Variants in TSPEAR observed in about 807,000 individuals in gnomAD.
The protein encoded by TSPEAR is thrombospondin-type laminin G domain and EAR repeat-containing protein.
Under a neutral mutation model 71.6 loss-of-function variants are expected in TSPEAR, and 69 were observed. That is an observed-to-expected ratio of 0.96 (90% CI 0.79 to 1.18). TSPEAR has a LOEUF of 1.18. Among genes scored for constraint, TSPEAR ranks in the 50% most tolerant of loss-of-function variants. The pLI, the probability that TSPEAR is intolerant of heterozygous loss-of-function variation, is 0.00. For missense variants in TSPEAR, 971 were observed against 894.9 expected (o/e 1.09, Z -1.09); for synonymous variants, 402 against 387.2 (o/e 1.04, Z -0.45).
At position 44,710,477 on chromosome 21, in the gene TSPEAR, A is replaced by G. The variant is rs919508253; in HGVS notation, c.82+956T>C. Among the ~76,000 whole-genome samples the G allele has an allele frequency of 6.8e-5, 10 of 145,992 alleles. No individual in the cohort carries two copies. Among genetic ancestry groups the G allele is most frequent in the Admixed American group, 1.4e-4 (2 of 14,636 alleles). ...GTTCCATACTCGGGTGATCGTGCTC[A>G]TCCCCTGGTCATGTCATCGGGATCT... On this transcript the variant is annotated intron_variant, in intron 1 of 11. Transcript: ENST00000323084. The surrounding 1 kb of genome is among the most constrained non-coding windows in gnomAD (Gnocchi z 4.6).
intron 1 of TSPEAR, among the ~76,000 whole-genome samples, chr21:44,633,695 G>T (rs1983381433): frequency 6.6e-6 from 1 of 152,040 alleles, no homozygotes; most frequent in South Asian, 2.1e-4. Flanking sequence ...GCTGTTGTTG[G>T]GTTGAATGTT....
chr21:44,514,015 C>T (rs1356036333), intron 9 of TSPEAR, among the ~76,000 whole-genome samples: 2 of 152,200 alleles, frequency 1.3e-5, no homozygotes, highest in South Asian at 2.1e-4. Flanking sequence ...CCCGGCCCTG[C>T]AGAACCCGCA....
intron 1 of TSPEAR, among the ~76,000 whole-genome samples, chr21:44,703,952 G>A (rs2063922824): frequency 6.6e-6 from 1 of 152,194 alleles, no homozygotes; most frequent in Non-Finnish European, 1.5e-5. Flanking sequence ...GGGGTGCACA[G>A]GGCTGCAATC....
chr21:44,531,395 G>A (rs1428853126), intron 3 of TSPEAR, among the ~76,000 whole-genome samples: 1 of 152,124 alleles, frequency 6.6e-6, no homozygotes, highest in Non-Finnish European at 1.5e-5. Flanking sequence ...CGTGCTCCCC[G>A]TGACCTGTGG....
intron 1 of TSPEAR, among the ~76,000 whole-genome samples, chr21:44,616,709 CAA>C (rs1413379435): frequency 1.3e-5 from 2 of 152,244 alleles, no homozygotes; most frequent in Admixed American, 1.3e-4. Context: ...GACACCGTGA[CAA>C]TGCGGCTGCG....
intron 1 of TSPEAR, chr21:44,697,497 C>T (rs1555950845): frequency 1.2e-6 from 2 of 1,613,776 alleles, no homozygotes; most frequent in South Asian, 2.2e-5. Flanking sequence ...ACCTCCTCCC[C>T]CTGCCAGCAG....
intron 1 of TSPEAR, among the ~76,000 whole-genome samples, chr21:44,701,284 C>T (rs534081822): frequency 5.3e-5 from 8 of 152,116 alleles, no homozygotes; most frequent in Admixed American, 1.3e-4. Flanking sequence ...TTCCTTCCAG[C>T]GACGTGAAAC....
At chr21:44,684,199 C>T (rs907153770) in intron 1 of TSPEAR, among the ~76,000 whole-genome samples, 37 of 152,194 alleles carry the variant, frequency 2.4e-4, no homozygotes, top group African/African-American at 7.2e-4. Context: ...CAATAACTGG[C>T]AATCCGGAAG....
At position 44,612,720 on chromosome 21, in the gene TSPEAR, C is replaced by T. The variant is rs146952917; in HGVS notation, c.83-44715G>A. The T allele has an allele frequency of 8.5e-4, 1,375 of 1,613,740 alleles. No homozygotes were observed. The highest frequency in any genetic ancestry group is 1.1e-3 in the Non-Finnish European group (1,281 of 1,179,968). On this transcript the variant is annotated intron_variant, in intron 1 of 11. Coordinates refer to ENST00000323084, the MANE Select transcript of TSPEAR (RefSeq NM_144991.3). The surrounding 1 kb of genome is among the most constrained non-coding windows in gnomAD (Gnocchi z 4.1). ...ACCACCTCCTGCTGCAGACCCTCCT[C>T]CTCCGTGTCCCTCCTCTGCCGCCCT...
Position 44,509,214 on chromosome 21 carries a change from T to C in TSPEAR, c.1739A>G (p.Asp580Gly), listed in dbSNP as rs782564012. The C allele has an allele frequency of 1.2e-6, 2 of 1,613,802 alleles. No homozygotes were observed. Among genetic ancestry groups the C allele is most frequent in the East Asian group, 2.2e-5 (1 of 44,882 alleles). ...VTAQAFVKFQDILTCSALDWE... is the reference protein window; with the variant it reads ...VTAQAFVKFQGILTCSALDWE... ...AGGCGCATACCTGCAGGTGAGAATGTCCTGGAACTTGACAAAGGCCTGCGC... is the reference window on the plus strand; with the variant it reads ...AGGCGCATACCTGCAGGTGAGAATGCCCTGGAACTTGACAAAGGCCTGCGC... The change falls in exon 10 of 12, where the codon GAC becomes GGC. Residue 580 changes from aspartate to glycine, a missense_variant. Coordinates refer to ENST00000323084, the MANE Select transcript of TSPEAR (RefSeq NM_144991.3).
At chr21:44,640,398 T>C (rs1470517536) in intron 1 of TSPEAR, among the ~76,000 whole-genome samples, 1 of 152,180 alleles carries the variant, frequency 6.6e-6, no homozygotes, top group African/African-American at 2.4e-5. Context: ...GAGGGGCTCA[T>C]GAGGAGTGAC....
chr21:44,526,507 C>A (rs1470166001), intron 7 of TSPEAR, among the ~76,000 whole-genome samples: 6 of 146,470 alleles, frequency 4.1e-5, no homozygotes, highest in African/African-American at 1.4e-4. Flanking sequence ...AAAAAAAAAA[C>A]CAACTAGTTA....
At chr21:44,621,463 C>T (rs1982430066) in intron 1 of TSPEAR, among the ~76,000 whole-genome samples, 1 of 152,232 alleles carries the variant, frequency 6.6e-6, no homozygotes, top group Non-Finnish European at 1.5e-5. Flanking sequence ...CAGTCTGCTC[C>T]AGCTTCTGTA....
rs902222469 is a variant in TSPEAR, at chr21:44,642,442, C to A, written c.82+68991G>T. Among the ~76,000 whole-genome samples, 3 of 152,048 alleles carry A rather than the reference C, an allele frequency of 2.0e-5. No homozygotes were observed. The highest frequency in any genetic ancestry group is 1.9e-4 in the East Asian group (1 of 5,194). On this transcript the variant is annotated intron_variant, in intron 1 of 11. Coordinates refer to ENST00000323084, the MANE Select transcript of TSPEAR (RefSeq NM_144991.3). This position sits in a 1 kb window ranked among gnomAD's most constrained non-coding sequence, Gnocchi z 4.1. The stretch of plus-strand genomic sequence containing the variant: ...CAGCGAGAGAGATAGGACTGTAGAC[C>A]AACATCATTTAAAAAAATAATGTAA...
At position 44,526,165 on chromosome 21, in the gene TSPEAR, G is replaced by A. The variant is rs587748129; in HGVS notation, c.1150-326C>T. On this transcript the variant is annotated intron_variant, in intron 7 of 11. Coordinates refer to ENST00000323084, the MANE Select transcript of TSPEAR (RefSeq NM_144991.3). ...GCACAAAAATGTTCTTCATAACCCAGATGACCAGAAAAACGCATCACAACC... is the reference window on the plus strand; with the variant it reads ...GCACAAAAATGTTCTTCATAACCCAAATGACCAGAAAAACGCATCACAACC... 5.3e-5 allele frequency among the ~76,000 whole-genome samples: 8 copies of A among 152,270 alleles called. No individual in the cohort carries two copies. In the South Asian group the frequency reaches 8.3e-4, roughly 16 times the overall value.
rs587763949 is a variant in TSPEAR, at chr21:44,638,419, C to T, written c.83-70414G>A. On this transcript the variant is annotated intron_variant, in intron 1 of 11. Transcript: ENST00000323084. Reference sequence around the variant, plus strand: ...CTGGTTCCACCCTGGGCAGCACCCCCTCTAGTTCTAATAAAGCCGCCTCTG... The same window carrying T: ...CTGGTTCCACCCTGGGCAGCACCCCTTCTAGTTCTAATAAAGCCGCCTCTG... 392 of 403,878 alleles carry T rather than the reference C, an allele frequency of 9.7e-4. 14 individuals carry two copies. The highest frequency in any genetic ancestry group is 7.3e-3 in the African/African-American group (346 of 47,634). The allele number at this position is 403,878 out of a possible 1,614,324, so 25.0% of individuals were successfully genotyped here. A position where few individuals can be genotyped will look rare whatever the true frequency, so the allele number is the denominator to read the frequency against.
chr21:44,698,945 A>C (rs1987517961), intron 1 of TSPEAR, among the ~76,000 whole-genome samples: 2 of 152,362 alleles, frequency 1.3e-5, no homozygotes, highest in South Asian at 4.1e-4. Flanking sequence ...TCAGGCCTGC[A>C]GTCCCAGCAT....
chr21:44,626,229 G>A (rs1175442834), intron 1 of TSPEAR, among the ~76,000 whole-genome samples: 2 of 152,244 alleles, frequency 1.3e-5, no homozygotes, highest in Non-Finnish European at 2.9e-5. Context: ...CAATGTTCCT[G>A]GAAAGTGATC....
intron 1 of TSPEAR, chr21:44,657,992 A>T: frequency 6.2e-7 from 1 of 1,613,282 alleles, no homozygotes; most frequent in Non-Finnish European, 8.5e-7. Context: ...GTGCCACACC[A>T]GCTGCTCCCC....
Sources: gnomAD v4.1 joint callset for allele counts (sites outside exome capture counted in the v4.1 genomes callset) on GRCh38, gnomAD v4.1.1 for gene constraint, Gnocchi (gnomAD v3.1) non-coding constraint, MANE v1.5 for transcripts, NCBI Gene and HGNC (gene_info 2026-07-23, HGNC 2026-07-21) for gene names.